ZNF469: variants seen among roughly 807,000 people sequenced by gnomAD.
The protein encoded by ZNF469 is zinc finger protein 469.
ZNF469 carries 1 observed loss-of-function variant against 1.0 expected under a neutral mutation model. The observed-to-expected ratio is 1.00, with a 90% CI of 0.35 to 4.73. The LOEUF is 4.73. Among genes scored for constraint, ZNF469 ranks in the 30% most tolerant of loss-of-function variants. The pLI is 0.16. For synonymous variants in ZNF469, 2,703 were observed against 2,363.4 expected (o/e 1.14, Z -4.17); for missense variants, 6,100 against 5,356.3 (o/e 1.14, Z -4.33).
At chr16:88,316,300 G>A in the ZNF469 span, among the ~76,000 whole-genome samples, 6 of 152,280 alleles carry the variant, frequency 3.9e-5, no homozygotes, top group African/African-American at 1.4e-4. Context: ...TGGTCTGCCC[G>A]CCAGCATCTG....
Position 88,432,017 on chromosome 16 carries a change from C to T in ZNF469, c.4547C>T (p.Pro1516Leu). The change falls in exon 3 of 3, where the codon CCT (proline) becomes CTT (leucine). Residue 1516 changes from proline (P) to leucine (L), a missense_variant. Physicochemically the swap from Pro to Leu is moderately conservative, Grantham distance 98. Coordinates refer to ENST00000565624, the MANE Select transcript of ZNF469 (RefSeq NM_001367624.2). ...TCCCCGATGCTGCCTAGCCATTTTC[C>T]TGATCTCTCGGGGGGAAAGGTGCTC... ...EVSPMLPSHF[P>L]DLSGGKVLSK... 2 of 1,550,364 alleles carry T rather than the reference C, an allele frequency of 1.3e-6. No homozygotes were observed. Among genetic ancestry groups the T allele is most frequent in the Non-Finnish European group, 1.7e-6 (2 of 1,146,964 alleles).
At chr16:88,175,548 GACT>G in the ZNF469 span, among the ~76,000 whole-genome samples, 1 of 152,188 alleles carries the variant, frequency 6.6e-6, no homozygotes, top group Non-Finnish European at 1.5e-5. Flanking sequence ...GATGTCTGGA[GACT>G]ACCTAAATAT....
chr16:88,130,756 C>G, the ZNF469 span, among the ~76,000 whole-genome samples: 1 of 151,984 alleles, frequency 6.6e-6, no homozygotes, highest in Admixed American at 6.6e-5. Context: ...GGCAGCGCAG[C>G]CTCCCACGCA....
At chr16:88,226,456 A>C in the ZNF469 span, among the ~76,000 whole-genome samples, 3 of 151,972 alleles carry the variant, frequency 2.0e-5, no homozygotes, top group Non-Finnish European at 4.4e-5. Flanking sequence ...GTGGGAAGGG[A>C]GCAGACCCTT....
chr16:88,429,438 C>A lies in ZNF469; in HGVS notation c.1968C>A (p.Ser656=), dbSNP rs1313936419. 1.3e-6 allele frequency: 2 copies of A among 1,545,268 alleles called. No homozygotes were observed. The highest frequency in any genetic ancestry group is 2.4e-5 in the East Asian group (1 of 40,854). ...SPFPSPEPPH[S]LPTHYQPEPA... is the part of the protein sequence containing the mutation. ...TCCCGTCCCCGGAGCCCCCCCACTC[C>A]CTCCCCACCCACTACCAGCCAGAGC... is the stretch of plus-strand genomic sequence containing the variant. Residue 656 remains serine, a synonymous_variant, in exon 3 of 3, where the codon TCC becomes TCA. Transcript: ENST00000565624.
In ZNF469 at chr16:88,429,670, A is replaced by C; in HGVS notation, c.2200A>C (p.Arg734=). 1.3e-6 allele frequency: 2 copies of C among 1,542,348 alleles called. No homozygotes were observed. The highest frequency in any genetic ancestry group is 1.8e-6 in the Non-Finnish European group (2 of 1,141,670). The change falls in exon 3 of 3, where the codon AGG becomes CGG. Residue 734 remains arginine (R), a synonymous_variant. Transcript: ENST00000565624. The part of the protein sequence containing the change: ...LDQLDVLLTC[R]QCDRNYSSLA... ...CCAGCTGGACGTGCTGCTGACCTGC[A>C]GGCAGTGTGACCGCAACTACAGCAG...
intron 1 of ZNF469, among the ~76,000 whole-genome samples, chr16:88,399,061 G>A (rs775565041): frequency 3.3e-5 from 5 of 152,254 alleles, no homozygotes; most frequent in East Asian, 3.8e-4. Flanking sequence ...AGGTTCACAC[G>A]GCAATGGTCT....
the ZNF469 span, among the ~76,000 whole-genome samples, chr16:88,188,116 C>A: frequency 6.6e-6 from 1 of 152,128 alleles, no homozygotes; most frequent in Non-Finnish European, 1.5e-5. Context: ...ACTTTGCCAC[C>A]TCTGTGCCTC....
the ZNF469 span, among the ~76,000 whole-genome samples, chr16:88,304,392 G>T: frequency 6.6e-6 from 1 of 152,220 alleles, no homozygotes; most frequent in Admixed American, 6.5e-5. Flanking sequence ...GTCTGAAGAT[G>T]GGAAACTGAG....
the ZNF469 span, among the ~76,000 whole-genome samples, chr16:88,342,800 T>A: frequency 6.6e-6 from 1 of 152,228 alleles, no homozygotes; most frequent in African/African-American, 2.4e-5. Context: ...GATGCCAGCG[T>A]AGGGCGATGC....
chr16:88,154,316 C>T, the ZNF469 span, among the ~76,000 whole-genome samples: 2 of 152,294 alleles, frequency 1.3e-5, no homozygotes, highest in South Asian at 2.1e-4. Flanking sequence ...CGCCACCACG[C>T]CCAGCTAATT....
the ZNF469 span, among the ~76,000 whole-genome samples, chr16:88,331,444 CATA>C: frequency 4.0e-5 from 6 of 151,734 alleles, no homozygotes; most frequent in African/African-American, 1.5e-4. Flanking sequence ...TCATAACCAT[CATA>C]ATCACCACCA....
chr16:88,105,393 C>T, the ZNF469 span, among the ~76,000 whole-genome samples: 2,626 of 151,502 alleles, frequency 0.017, 38 homozygotes, highest in Non-Finnish European at 0.028. Flanking sequence ...CAACCTCTGC[C>T]TCCCAGGTTC....
the ZNF469 span, among the ~76,000 whole-genome samples, chr16:88,247,380 A>AGGAG: frequency 1.0e-4 from 15 of 149,510 alleles, no homozygotes; most frequent in African/African-American, 3.7e-4. Flanking sequence ...GAGTGAGTGA[A>AGGAG]TGAATGAGTC....
chr16:88,436,591 C>G lies in ZNF469; in HGVS notation c.9121C>G (p.Leu3041Val). ...GLPGNTHLLPLRATDFEVLST... is the reference protein window; with the variant it reads ...GLPGNTHLLPVRATDFEVLST... ...TCCCGGGAACACCCACCTGCTGCCG[C>G]TCCGTGCCACGGACTTTGAGGTGCT... The change falls in exon 3 of 3, where the codon CTC becomes GTC. Residue 3041 changes from leucine (L) to valine (V), a missense_variant. Transcript: ENST00000565624. The G allele has an allele frequency of 6.5e-7, 1 of 1,550,204 alleles. No individual in the cohort carries two copies. Among genetic ancestry groups the G allele is most frequent in the South Asian group, 1.2e-5 (1 of 84,066 alleles).
the ZNF469 span, among the ~76,000 whole-genome samples, chr16:88,180,397 C>A: frequency 6.6e-6 from 1 of 151,934 alleles, no homozygotes; most frequent in Non-Finnish European, 1.5e-5. Flanking sequence ...AAAGCTGGGG[C>A]GGAGATGTTA....
At chr16:88,147,474 G>C in the ZNF469 span, among the ~76,000 whole-genome samples, 1 of 152,068 alleles carries the variant, frequency 6.6e-6, no homozygotes, top group South Asian at 2.1e-4. Flanking sequence ...TGCGAATTCA[G>C]GCCGATGGAA....
the ZNF469 span, among the ~76,000 whole-genome samples, chr16:88,252,597 C>G: frequency 2.6e-5 from 4 of 152,286 alleles, no homozygotes; most frequent in East Asian, 7.7e-4. Context: ...CATAACCACT[C>G]AGCTCTCATG....
the ZNF469 span, among the ~76,000 whole-genome samples, chr16:88,210,528 C>T: frequency 2.0e-5 from 3 of 152,170 alleles, no homozygotes; most frequent in African/African-American, 4.8e-5. Context: ...GCTTTTCTGA[C>T]ATTTCCTTCT....
Sources: gnomAD v4.1 joint callset for allele counts (sites outside exome capture counted in the v4.1 genomes callset) on GRCh38, gnomAD v4.1.1 for gene constraint, MANE v1.5 for transcripts, NCBI Gene and HGNC (gene_info 2026-07-23, HGNC 2026-07-21) for gene names.